The following MSRA variants were observed in gnomAD, a reference collection of about 807,000 sequenced individuals.
MSRA encodes the protein methionine sulfoxide reductase A, also known as mitochondrial peptide methionine sulfoxide reductase.
MSRA carries 54 observed loss-of-function variants against 31.3 expected under a neutral mutation model. The observed-to-expected ratio is 1.73, with a 90% CI of 1.39 to 2.17. MSRA has a LOEUF of 2.17. Among genes scored for constraint, MSRA ranks in the 30% most tolerant of loss-of-function variants. The pLI, the probability that MSRA is intolerant of heterozygous loss-of-function variation, is 0.00. For missense variants in MSRA, 507 were observed against 300.9 expected (o/e 1.69, Z -5.07); for synonymous variants, 169 against 116.5 (o/e 1.45, Z -2.90).
intron 1 of MSRA, among the ~76,000 whole-genome samples, chr8:10,103,181 C>G (rs373461340): frequency 2.0e-5 from 3 of 151,978 alleles, no homozygotes; most frequent in African/African-American, 7.3e-5. Context: ...TATTAACATG[C>G]GAGGTTTTAT....
At chr8:10,234,383 C>G (rs59272170) in intron 2 of MSRA, among the ~76,000 whole-genome samples, 98 of 152,196 alleles carry the variant, frequency 6.4e-4, no homozygotes, top group African/African-American at 2.3e-3. Flanking sequence ...GAAATACTAA[C>G]TTTAGACTTG....
intron 5 of MSRA, among the ~76,000 whole-genome samples, chr8:10,401,665 G>A (rs575206702): frequency 1.2e-4 from 16 of 132,824 alleles, no homozygotes; most frequent in East Asian, 7.4e-4. Context: ...TTAAGTGCCC[G>A]TCATCAGATG....
intron 3 of MSRA, among the ~76,000 whole-genome samples, chr8:10,257,555 C>G (rs2129090866): frequency 6.6e-6 from 1 of 152,198 alleles, no homozygotes; most frequent in Middle Eastern, 3.4e-3. Flanking sequence ...TATAGGCACG[C>G]ACCACCGCGC....
intron 1 of MSRA, among the ~76,000 whole-genome samples, chr8:10,147,820 T>G (rs562571567): frequency 2.0e-5 from 3 of 152,324 alleles, no homozygotes; most frequent in Non-Finnish European, 2.9e-5. Context: ...GGTCACCGTT[T>G]CTCTGGACTG....
At chr8:10,414,796 T>G (rs990761050) in intron 5 of MSRA, among the ~76,000 whole-genome samples, 1 of 152,236 alleles carries the variant, frequency 6.6e-6, no homozygotes, top group African/African-American at 2.4e-5. Flanking sequence ...GTGGTTTTCT[T>G]TGTGTACTAA....
At chr8:10,069,434 A>G (rs961954485) in intron 1 of MSRA, among the ~76,000 whole-genome samples, 13 of 152,230 alleles carry the variant, frequency 8.5e-5, no homozygotes, top group Admixed American at 8.5e-4. Flanking sequence ...TCGTGTTGTG[A>G]TAACAGAATA....
At chr8:10,117,065 G>A (rs1392427172) in intron 1 of MSRA, among the ~76,000 whole-genome samples, 1 of 152,154 alleles carries the variant, frequency 6.6e-6, no homozygotes, top group Non-Finnish European at 1.5e-5. Flanking sequence ...AAATCCATCT[G>A]CCCAGAGCAA....
At chr8:10,345,162 A>G (rs1803692590) in intron 5 of MSRA, among the ~76,000 whole-genome samples, 1 of 152,138 alleles carries the variant, frequency 6.6e-6, no homozygotes, top group South Asian at 2.1e-4. Flanking sequence ...TCCTATGCTG[A>G]TGTTCCTTGG....
At position 10,095,461 on chromosome 8, in the gene MSRA, G is replaced by A. The variant is rs992644125; in HGVS notation, c.142+40803G>A. 2.1e-5 allele frequency: 21 copies of A among 985,356 alleles called. No individual in the cohort carries two copies. The African/African-American group carries it at 3.1e-4, about 15-fold the overall frequency. 61.0% of individuals were successfully genotyped at this position (985,356 alleles called of 1,614,324 possible). ...TCAAATGTATTAATTGATCCGCAAA[G>A]GACATCTTTTGGAGACAAGAATTCA... On this transcript the variant is annotated intron_variant, in intron 1 of 5. Transcript: ENST00000317173.
intron 3 of MSRA, among the ~76,000 whole-genome samples, chr8:10,263,291 C>T (rs1798575302): frequency 6.6e-6 from 1 of 152,176 alleles, no homozygotes; most frequent in Non-Finnish European, 1.5e-5. Context: ...GACTGTCTGT[C>T]ACAGGGCCAT....
chr8:10,364,707 T>C (rs572492218), intron 5 of MSRA, among the ~76,000 whole-genome samples: 15 of 152,228 alleles, frequency 9.9e-5, no homozygotes, highest in Non-Finnish European at 1.9e-4. Context: ...AACTGCTGGG[T>C]GAATTTGGGC....
At chr8:10,202,544 G>T (rs1293358214) in intron 1 of MSRA, among the ~76,000 whole-genome samples, 1 of 152,176 alleles carries the variant, frequency 6.6e-6, no homozygotes, top group South Asian at 2.1e-4. Flanking sequence ...GCCTCTAAGC[G>T]ATGAGACTCT....
rs191948888 is a variant in MSRA, at chr8:10,360,774, T to G, written c.543+40785T>G. 1.2e-4 allele frequency among the ~76,000 whole-genome samples: 19 copies of G among 152,308 alleles called. No individual in the cohort carries two copies. The East Asian group carries it at 3.5e-3, about 28-fold the overall frequency. On this transcript the variant is annotated intron_variant, in intron 5 of 5. Transcript: ENST00000317173. Reference sequence around the variant, plus strand: ...ACAGGGATGTACTGTCTGGGTCAGATCTGGGAGGAGTCCACCCTCTAGTGG... The same window carrying G: ...ACAGGGATGTACTGTCTGGGTCAGAGCTGGGAGGAGTCCACCCTCTAGTGG...
At chr8:10,199,974 G>GT (rs1241567788) in intron 1 of MSRA, among the ~76,000 whole-genome samples, 1 of 152,200 alleles carries the variant, frequency 6.6e-6, no homozygotes, top group African/African-American at 2.4e-5. Flanking sequence ...CCTCACCAAG[G>GT]TGGGTTACTG....
intron 1 of MSRA, among the ~76,000 whole-genome samples, chr8:10,174,752 G>T (rs781161725): frequency 1.3e-5 from 2 of 152,164 alleles, no homozygotes; most frequent in Non-Finnish European, 1.5e-5. Flanking sequence ...TCAGCGTGCT[G>T]CACTCAGACA....
At chr8:10,221,976 T>G (rs973732506) in intron 2 of MSRA, among the ~76,000 whole-genome samples, 4 of 152,038 alleles carry the variant, frequency 2.6e-5, no homozygotes, top group South Asian at 4.2e-4. Context: ...TACGAGATCA[T>G]GAAGGGCAAT....
chr8:10,356,817 T>C (rs1804534338), intron 5 of MSRA, among the ~76,000 whole-genome samples: 2 of 151,436 alleles, frequency 1.3e-5, no homozygotes, highest in East Asian at 1.9e-4. Flanking sequence ...GTCCATGGTA[T>C]GTTGTTACGG....
chr8:10,288,221 C>T lies in MSRA; in HGVS notation c.332-13313C>T, dbSNP rs543316166. Among the ~76,000 whole-genome samples, 170 of 152,296 alleles carry T rather than the reference C, an allele frequency of 1.1e-3. 1 individual carries two copies. The highest frequency in any genetic ancestry group is 3.9e-3 in the African/African-American group (163 of 41,574). On this transcript the variant is annotated intron_variant, in intron 3 of 5. Coordinates refer to ENST00000317173, the MANE Select transcript of MSRA (RefSeq NM_012331.5). ...CCCTAAGCGGCCTTTTTAGACATTT[C>T]TCTCTTGTCTCCCCCAGTCCCCTTC...
At position 10,268,306 on chromosome 8, in the gene MSRA, C is replaced by T. The variant is rs183569634; in HGVS notation, c.331+23083C>T. 3.3e-5 allele frequency among the ~76,000 whole-genome samples: 5 copies of T among 152,298 alleles called. No individual in the cohort carries two copies. The East Asian group carries it at 7.7e-4, about 24-fold the overall frequency. ...TCTAATAAAATTGCTTCTGTGGGCA[C>T]TCCAGACATTTGGGTAGAAAGTATG... On this transcript the variant is annotated intron_variant, in intron 3 of 5. Transcript: ENST00000317173.
Sources: gnomAD v4.1 joint callset for allele counts (sites outside exome capture counted in the v4.1 genomes callset) on GRCh38, gnomAD v4.1.1 for gene constraint, MANE v1.5 for transcripts, NCBI Gene and HGNC (gene_info 2026-07-23, HGNC 2026-07-21) for gene names.